The following RC3H1 variants were observed in gnomAD, a reference collection of about 807,000 sequenced individuals.
RC3H1 encodes roquin-1.
RC3H1 carries 50 observed loss-of-function variants against 138.2 expected under a neutral mutation model. The ratio of observed to expected loss-of-function variants is 0.36; its 90% CI spans 0.29 to 0.46. The LOEUF is 0.46. RC3H1 is among the 20% of genes least tolerant of loss of function. The probability of loss-of-function intolerance (pLI) is 1.00; values close to 1 mark genes in which losing one functional copy is unlikely to be tolerated. For synonymous variants in RC3H1, 462 were observed against 489.1 expected, an observed-to-expected ratio of 0.94 and a Z score of 0.73; for missense variants, 1,031 against 1,388.1, an observed-to-expected ratio of 0.74 and a Z score of 4.09.
At position 173,981,007 on chromosome 1, in the gene RC3H1, G is replaced by A. The variant is rs370837880; in HGVS notation, c.771C>T (p.Val257=). The A allele has an allele frequency of 6.2e-7, 1 of 1,612,694 alleles. No homozygotes were observed. The highest frequency in any genetic ancestry group is 1.1e-5 in the South Asian group (1 of 90,848). The change falls in exon 6 of 20, where the codon GTC becomes GTT. Residue 257 remains valine, a splice_region_variant and synonymous_variant. Coordinates refer to ENST00000367696, the MANE Select transcript of RC3H1 (RefSeq NM_172071.4). ...AAGAAGAGTCTTCATCACGTTTGGT[G>A]ACCTAATAAGACACAAATAATCTCA... ...QLLYRASCFK[V]TKRDEDSSLM...
intron 1 of RC3H1, among the ~76,000 whole-genome samples, chr1:174,020,378 T>C (rs1400685373): frequency 6.6e-6 from 1 of 152,220 alleles, no homozygotes; most frequent in African/African-American, 2.4e-5. Context: ...ATTGCTAATC[T>C]ATTCAGTGTC....
At position 173,932,304 on chromosome 1, in the gene RC3H1, G is replaced by A. The variant is rs1292379264; in HGVS notation, c.*6417C>T. 6.6e-6 allele frequency: 1 copy of A among 152,046 alleles called. No individual in the cohort carries two copies. The highest frequency in any genetic ancestry group is 1.5e-5 in the Non-Finnish European group (1 of 67,982). 9.4% of individuals were successfully genotyped at this position (152,046 alleles called of 1,614,324 possible). A position where few individuals can be genotyped will look rare whatever the true frequency, so the allele number is the denominator to read the frequency against. ...GATAATGACTGCAGAATGTCTCGGGGAGACTGATATGAGCCTAAAGACCAA... is the reference window on the plus strand; with the variant it reads ...GATAATGACTGCAGAATGTCTCGGGAAGACTGATATGAGCCTAAAGACCAA... On this transcript the variant is annotated 3_prime_UTR_variant, in exon 20 of 20. Transcript: ENST00000367696.
At chr1:173,997,554 C>T (rs1193974535) in intron 1 of RC3H1, among the ~76,000 whole-genome samples, 1 of 152,070 alleles carries the variant, frequency 6.6e-6, no homozygotes, top group Admixed American at 6.6e-5. Context: ...TTATCACCTC[C>T]ATCTCTATTA....
At chr1:173,944,815 G>A (rs1470185749) in intron 17 of RC3H1, among the ~76,000 whole-genome samples, 1 of 152,180 alleles carries the variant, frequency 6.6e-6, no homozygotes, top group Non-Finnish European at 1.5e-5. Context: ...TGCGTACATA[G>A]GGGCACAAGC....
rs1336634780 is a variant in RC3H1, at chr1:173,941,330, T to C, written c.3186A>G (p.Gln1062=). The C allele has an allele frequency of 6.2e-7, 1 of 1,614,042 alleles. No individual in the cohort carries two copies. Among genetic ancestry groups the C allele is most frequent in the African/African-American group, 1.3e-5 (1 of 75,034 alleles). ...DMKSKLNTSK[Q]AENGQPEPQN... The stretch of plus-strand genomic sequence containing the variant: ...GTGGTTCTGGTTGTCCATTTTCTGC[T>C]TGTTTACTTGTATTCAGTTTGCTTT... The change falls in exon 19 of 20, where the codon CAA becomes CAG. Residue 1062 remains glutamine, a synonymous_variant. Transcript: ENST00000367696.
Position 173,936,354 on chromosome 1 carries a change from T to C in RC3H1, c.*2367A>G, listed in dbSNP as rs939508460. 4.0e-5 allele frequency: 6 copies of C among 151,348 alleles called. No homozygotes were observed. Among genetic ancestry groups the C allele is most frequent in the African/African-American group, 9.7e-5 (4 of 41,200 alleles). 9.4% of individuals were successfully genotyped at this position (151,348 alleles called of 1,614,324 possible). The stretch of plus-strand genomic sequence containing the variant: ...TCCAAATCTGCTTATAAGAAGGTTG[T>C]AGTACAAAAATTAGCTGGACGTGGT... On this transcript the variant is annotated 3_prime_UTR_variant, in exon 20 of 20. Transcript: ENST00000367696.
chr1:173,947,031 G>C (rs1305286685), intron 15 of RC3H1, among the ~76,000 whole-genome samples, 195 bp from the exon 16 acceptor site: 1 of 152,066 alleles, frequency 6.6e-6, no homozygotes, highest in Admixed American at 6.6e-5. Context: ...ATATATGTTT[G>C]TTTCTTCCCC....
Position 173,992,754 on chromosome 1 carries a change from C to T in RC3H1, c.231+1G>A. The T allele has an allele frequency of 1.9e-6, 3 of 1,609,122 alleles. No homozygotes were observed. Among genetic ancestry groups the T allele is most frequent in the Non-Finnish European group, 1.7e-6 (2 of 1,176,288 alleles). ...TAAAAGTATTAAGTCACCCATCCTA[C>T]CTGAGCACCCACGAGCTGCAGCAAT... On this transcript the variant is annotated splice_donor_variant, in intron 2 of 19. Transcript: ENST00000367696. LOFTEE classifies it high-confidence loss of function.
Position 173,941,274 on chromosome 1 carries a change from A to G in RC3H1, c.3242T>C (p.Leu1081Ser). 6.2e-7 allele frequency: 1 copy of G among 1,605,700 alleles called. No homozygotes were observed. Among genetic ancestry groups the G allele is most frequent in the Non-Finnish European group, 8.5e-7 (1 of 1,172,692 alleles). ...QNKVPAEDLT[L>S]TFSDVPNGSA... ...ATCTCCTTTTCTTTACCTGAATGTC[A>G]ATGTAAGGTCCTCAGCCGGAACCTT... Residue 1081 changes from leucine (L) to serine (S), a missense_variant, in exon 19 of 20, where the codon TTG (leucine) becomes TCG (serine). Leu to Ser is a moderately radical substitution (Grantham distance 145, BLOSUM62 -2). Transcript: ENST00000367696.
intron 8 of RC3H1, among the ~76,000 whole-genome samples, chr1:173,970,909 T>C (rs775997781): frequency 5.9e-5 from 9 of 151,868 alleles, no homozygotes; most frequent in Non-Finnish European, 1.3e-4. Flanking sequence ...CTTATACTTG[T>C]ATTATATGGA....
intron 7 of RC3H1, among the ~76,000 whole-genome samples, chr1:173,977,772 A>G (rs1274874947): frequency 6.6e-6 from 1 of 152,156 alleles, no homozygotes; most frequent in Non-Finnish European, 1.5e-5. Flanking sequence ...TACAAATAAG[A>G]CAGAAGTAGC....
chr1:173,942,301 C>T (rs1490538245), intron 18 of RC3H1, among the ~76,000 whole-genome samples: 1 of 149,988 alleles, frequency 6.7e-6, no homozygotes, highest in Non-Finnish European at 1.5e-5. Flanking sequence ...GGTGTGGTGG[C>T]AGGCACCTGT....
intron 1 of RC3H1, among the ~76,000 whole-genome samples, chr1:174,004,935 G>A (rs191583904): frequency 1.4e-4 from 22 of 152,146 alleles, no homozygotes; most frequent in Non-Finnish European, 2.5e-4. Context: ...CAGGGGGACA[G>A]GAGTCAGTTG....
At chr1:173,943,389 C>A (rs1658991909) in intron 18 of RC3H1, 53 bp downstream of exon 18, 5 of 1,536,426 alleles carry the variant, frequency 3.3e-6, no homozygotes, top group Non-Finnish European at 3.6e-6. Context: ...ATTCTAGAGC[C>A]ACATGAAAGA....
At position 173,949,776 on chromosome 1, in the gene RC3H1, G is replaced by A. The variant is rs777828097; in HGVS notation, c.2524-2194C>T. Among the ~76,000 whole-genome samples the A allele has an allele frequency of 7.0e-4, 106 of 152,258 alleles. 1 individual carries two copies. Among genetic ancestry groups the A allele is most frequent in the Non-Finnish European group, 1.2e-3 (83 of 68,026 alleles). On this transcript the variant is annotated intron_variant, in intron 14 of 19. Transcript: ENST00000367696. ...ACCTAACAGTGAAAGATCAGAAATAGCCTAAATGTCCACCAATACAAAAAA... is the reference window on the plus strand; with the variant it reads ...ACCTAACAGTGAAAGATCAGAAATAACCTAAATGTCCACCAATACAAAAAA...
At chr1:173,994,275 C>T (rs1007026087) in intron 1 of RC3H1, among the ~76,000 whole-genome samples, 2 of 151,596 alleles carry the variant, frequency 1.3e-5, no homozygotes, top group South Asian at 4.2e-4. Context: ...TGGCTGTAAT[C>T]CCAGGAACTC....
chr1:173,980,406 A>C (rs1168679928), intron 6 of RC3H1, among the ~76,000 whole-genome samples: 1 of 152,118 alleles, frequency 6.6e-6, no homozygotes, highest in Non-Finnish European at 1.5e-5. Context: ...GTCTTTGTCT[A>C]AAATGGATAA....
At position 173,936,375 on chromosome 1, in the gene RC3H1, G is replaced by C. The variant is rs763981292; in HGVS notation, c.*2346C>G. 6.6e-6 allele frequency: 1 copy of C among 151,686 alleles called. No homozygotes were observed. Among genetic ancestry groups the C allele is most frequent in the Non-Finnish European group, 1.5e-5 (1 of 67,940 alleles). 9.4% of individuals were successfully genotyped at this position (151,686 alleles called of 1,614,324 possible). A position where few individuals can be genotyped will look rare whatever the true frequency, so the allele number is the denominator to read the frequency against. ...GTTGTAGTACAAAAATTAGCTGGAC[G>C]TGGTGGCGCGTGCCTGTAGTCCCAG... On this transcript the variant is annotated 3_prime_UTR_variant, in exon 20 of 20. Transcript: ENST00000367696.
Position 173,964,193 on chromosome 1 carries a change from G to T in RC3H1, c.1617-6C>A. ...TCTTAGGAACAGATTCTAGCCTAAG[G>T]GAATAATATTATGGAAGTTGTTTAA... is the stretch of plus-strand genomic sequence containing the variant. On this transcript the variant is annotated splice_region_variant and splice_polypyrimidine_tract_variant and intron_variant, in intron 10 of 19. Transcript: ENST00000367696. 6.3e-7 allele frequency: 1 copy of T among 1,592,914 alleles called. No homozygotes were observed. Among genetic ancestry groups the T allele is most frequent in the South Asian group, 1.1e-5 (1 of 90,664 alleles).
Sources: allele counts gnomAD v4.1 joint callset (sites outside exome capture counted in the v4.1 genomes callset), GRCh38; gene constraint gnomAD v4.1.1; transcripts MANE v1.5; gene names NCBI Gene and HGNC (gene_info 2026-07-23, HGNC 2026-07-21).